Variants in LAMA2 observed in about 807,000 individuals in gnomAD.
LAMA2 encodes the protein laminin subunit alpha-2.
Under a neutral mutation model 364.8 loss-of-function variants are expected in LAMA2, and 269 were observed. That is an observed-to-expected ratio of 0.74 (90% CI 0.67 to 0.82). LAMA2 has a LOEUF of 0.82. LAMA2 is among the 40% of genes least tolerant of loss of function. LAMA2 has a pLI of 0.00. For synonymous variants in LAMA2, 1,379 were observed against 1,370.6 expected, an observed-to-expected ratio of 1.01 and a Z score of -0.14; for missense variants, 3,807 against 3,873.2, an observed-to-expected ratio of 0.98 and a Z score of 0.45.
intron 1 of LAMA2, among the ~76,000 whole-genome samples, chr6:128,978,559 G>A (rs936771792): frequency 6.6e-6 from 1 of 151,886 alleles, no homozygotes; most frequent in Non-Finnish European, 1.5e-5. Flanking sequence ...CTCATGATCT[G>A]CATGCCTGAG....
At chr6:129,207,780 A>G (rs912463411) in intron 12 of LAMA2, among the ~76,000 whole-genome samples, 14 of 144,566 alleles carry the variant, frequency 9.7e-5, no homozygotes, top group Non-Finnish European at 1.6e-4. Flanking sequence ...TCCCAAAAAT[A>G]CCCCTGAGAA....
intron 22 of LAMA2, among the ~76,000 whole-genome samples, chr6:129,310,134 C>A (rs1464499417): frequency 6.6e-6 from 1 of 151,802 alleles, no homozygotes; most frequent in Non-Finnish European, 1.5e-5. Context: ...CTCCTGACCT[C>A]GTGATCCGCC....
chr6:129,232,843 G>A (rs1784753985), intron 12 of LAMA2, among the ~76,000 whole-genome samples: 1 of 152,138 alleles, frequency 6.6e-6, no homozygotes, highest in Non-Finnish European at 1.5e-5. Flanking sequence ...GGGTCAGAGT[G>A]ATGAAACAAT....
At chr6:129,069,436 A>G (rs958287613) in intron 3 of LAMA2, among the ~76,000 whole-genome samples, 4 of 148,428 alleles carry the variant, frequency 2.7e-5, no homozygotes, top group Admixed American at 6.7e-5. Context: ...ATTTAAAAAT[A>G]AGGAATTAAA....
chr6:129,298,011 T>TA, intron 21 of LAMA2, 146 bp downstream of exon 21: 5 of 441,662 alleles, frequency 1.1e-5, no homozygotes, highest in East Asian at 1.1e-4. Flanking sequence ...TTACGTTACT[T>TA]AAAAAATGAA....
chr6:129,154,469 A>C lies in LAMA2; in HGVS notation c.1028-36A>C, dbSNP rs370939726. 25 of 1,547,716 alleles carry C rather than the reference A, an allele frequency of 1.6e-5. 1 individual carries two copies. In the Middle Eastern group the frequency reaches 4.2e-3, roughly 263 times the overall value. ...TGATTTTTAAATGTATCTGAAATCA[A>C]ATTGATGTTTATTAATTTATTTTTC... On this transcript the variant is annotated intron_variant, in intron 7 of 64. Coordinates refer to ENST00000421865, the MANE Select transcript of LAMA2 (RefSeq NM_000426.4).
chr6:129,148,381 A>G (rs1007431807), intron 6 of LAMA2, among the ~76,000 whole-genome samples: 1 of 152,088 alleles, frequency 6.6e-6, no homozygotes, highest in East Asian at 1.9e-4. Context: ...GAGGGAGAAC[A>G]TCAGGACAGA....
chr6:129,460,200 A>G lies in LAMA2; in HGVS notation c.6868A>G (p.Lys2290Glu). 1.2e-6 allele frequency: 2 copies of G among 1,612,020 alleles called. No homozygotes were observed. The highest frequency in any genetic ancestry group is 1.7e-6 in the Non-Finnish European group (2 of 1,178,502). The change falls in exon 49 of 65, where the codon AAG becomes GAG. Residue 2290 changes from lysine (K) to glutamate (E), a missense_variant and splice_region_variant. Coordinates refer to ENST00000421865, the MANE Select transcript of LAMA2 (RefSeq NM_000426.4). ...CAAATAACGGTATTTCTTTCTGCAG[A>G]AGGCTGATGCTGTACGTGTGATTAC... is the stretch of plus-strand genomic sequence containing the variant. ...FVGGLTGKLK[K>E]ADAVRVITFT...
chr6:128,970,170 A>G (rs1782100772), intron 1 of LAMA2, among the ~76,000 whole-genome samples: 1 of 152,176 alleles, frequency 6.6e-6, no homozygotes, highest in South Asian at 2.1e-4. Context: ...AAAAATTGAA[A>G]TTATCTTCTG....
intron 3 of LAMA2, among the ~76,000 whole-genome samples, chr6:129,064,094 A>G (rs1789122567): frequency 6.6e-6 from 1 of 152,074 alleles, no homozygotes; most frequent in Non-Finnish European, 1.5e-5. Flanking sequence ...ATTCCTGATT[A>G]CTGATTAAAG....
chr6:129,490,048 A>G (rs1020268668), intron 56 of LAMA2, among the ~76,000 whole-genome samples: 1 of 152,214 alleles, frequency 6.6e-6, no homozygotes, highest in Non-Finnish European at 1.5e-5. Flanking sequence ...TTAAAAATGG[A>G]AAACACACCA....
intron 1 of LAMA2, among the ~76,000 whole-genome samples, chr6:128,987,130 T>G (rs914699633): frequency 6.7e-5 from 7 of 105,108 alleles, no homozygotes; most frequent in African/African-American, 2.4e-4. Flanking sequence ...TAGTTTGTTT[T>G]TTTTTTTTTG....
intron 37 of LAMA2, among the ~76,000 whole-genome samples, chr6:129,399,501 A>G (rs1424898375): frequency 1.3e-5 from 2 of 152,238 alleles, no homozygotes; most frequent in Non-Finnish European, 2.9e-5. Flanking sequence ...AAGGTAAATT[A>G]CTTCCTTAAG....
Position 129,492,301 on chromosome 6 carries a change from T to G in LAMA2, c.8076-14T>G. On this transcript the variant is annotated splice_polypyrimidine_tract_variant and intron_variant, in intron 57 of 64. Transcript: ENST00000421865. Reference sequence around the variant, plus strand: ...AACGAAAATAAAAAAATCTTATTTATTACATTCTATTAGCCCCATGGACTT... The same window carrying G: ...AACGAAAATAAAAAAATCTTATTTAGTACATTCTATTAGCCCCATGGACTT... 6.2e-7 allele frequency: 1 copy of G among 1,612,558 alleles called. No homozygotes were observed. The highest frequency in any genetic ancestry group is 8.5e-7 in the Non-Finnish European group (1 of 1,178,740).
rs544013084 is a variant in LAMA2 at position 128,920,240 on chromosome 6, C to T, written c.112+36883C>T. ...TGCTGCGATCTCAGCTCACTGCAAC[C>T]TCCACCTCCCGGGTTCAAGCGATTC... On this transcript the variant is annotated intron_variant, in intron 1 of 64. Coordinates refer to ENST00000421865, the MANE Select transcript of LAMA2 (RefSeq NM_000426.4). Among the ~76,000 whole-genome samples the T allele has an allele frequency of 2.8e-3, 423 of 152,064 alleles. 1 individual carries two copies. Among genetic ancestry groups the T allele is most frequent in the Admixed American group, 4.1e-3 (62 of 15,270 alleles).
In LAMA2 at chr6:129,335,653, TAGAC is replaced by T. The variant is rs773474443; in HGVS notation, c.4312-6686_4312-6683del. 2.0e-5 allele frequency among the ~76,000 whole-genome samples: 3 copies of T among 152,312 alleles called. No homozygotes were observed. In the South Asian group the frequency reaches 6.2e-4, roughly 32 times the overall value. ...ACCAATTACCTCTATCTTCAGTAAA[TAGAC>T]AGATTTGTAACTAGAATTCACTATT... On this transcript the variant is annotated intron_variant, in intron 29 of 64. Transcript: ENST00000421865.
intron 1 of LAMA2, among the ~76,000 whole-genome samples, chr6:129,041,555 A>G (rs1324169168): frequency 6.6e-6 from 1 of 152,254 alleles, no homozygotes. Flanking sequence ...TGATACTGAT[A>G]TTGAAAATAC....
chr6:129,037,112 T>C (rs1198297701), intron 1 of LAMA2, among the ~76,000 whole-genome samples: 1 of 152,266 alleles, frequency 6.6e-6, no homozygotes, highest in Non-Finnish European at 1.5e-5. Flanking sequence ...GTATTCTCTT[T>C]TGTCTTTTAA....
intron 1 of LAMA2, among the ~76,000 whole-genome samples, chr6:129,047,011 C>A (rs1159445040): frequency 1.3e-5 from 2 of 152,054 alleles, no homozygotes; most frequent in Non-Finnish European, 2.9e-5. Context: ...TGATGAATGA[C>A]AAAATAGAAA....
Sources: allele counts gnomAD v4.1 joint callset (sites outside exome capture counted in the v4.1 genomes callset), GRCh38; gene constraint gnomAD v4.1.1; transcripts MANE v1.5; gene names NCBI Gene and HGNC (gene_info 2026-07-23, HGNC 2026-07-21).